CEP63: variants seen among roughly 807,000 people sequenced by gnomAD.
CEP63 encodes the protein centrosomal protein 63.
A neutral mutation model predicts 89.1 loss-of-function variants in CEP63; 84 were observed. That is an observed-to-expected ratio of 0.94 (90% CI 0.79 to 1.13). CEP63 has a LOEUF of 1.13. Ranked by LOEUF, CEP63 falls within the 50% of genes most tolerant of loss-of-function variation. CEP63 has a pLI of 0.00. For synonymous variants in CEP63, 267 were observed against 272.5 expected (o/e 0.98, Z 0.20); for missense variants, 838 against 813.3 (o/e 1.03, Z -0.37).
downstream of CEP63, among the ~76,000 whole-genome samples, chr3:134,565,638 C>G (rs1288926441): frequency 6.6e-6 from 1 of 151,598 alleles, no homozygotes; most frequent in Non-Finnish European, 1.5e-5. Context: ...AAAATGAGGG[C>G]TGTAAACATT....
At chr3:134,620,643 C>A in the CEP63 span, 2 of 775,780 alleles carry the variant, frequency 2.6e-6, no homozygotes, top group South Asian at 3.3e-5. Flanking sequence ...CCCTGTCCCC[C>A]ACCTTTCATG....
the CEP63 span, among the ~76,000 whole-genome samples, chr3:134,702,568 C>T: frequency 6.6e-6 from 1 of 152,026 alleles, no homozygotes. Context: ...GAAATCAGAC[C>T]ACACACCTAC....
chr3:134,603,972 G>C, the CEP63 span: 558,162 of 1,613,574 alleles, frequency 0.35, 99,316 homozygotes, highest in African/African-American at 0.42. Flanking sequence ...GGGCAAACTT[G>C]CCTGCATGGG....
At chr3:134,496,592 AGC>A (rs1469982042) in intron 2 of CEP63, among the ~76,000 whole-genome samples, 1 of 152,178 alleles carries the variant, frequency 6.6e-6, no homozygotes, top group Non-Finnish European at 1.5e-5. Context: ...TTATCAAGAC[AGC>A]TGTTTTGAGC....
chr3:134,530,993 T>G (rs1188826023), intron 3 of CEP63, among the ~76,000 whole-genome samples: 1 of 152,196 alleles, frequency 6.6e-6, no homozygotes, highest in Non-Finnish European at 1.5e-5. Flanking sequence ...GGTGAAGGCT[T>G]GGCAGAAAAT....
chr3:134,703,993 A>C, the CEP63 span, among the ~76,000 whole-genome samples: 5 of 151,968 alleles, frequency 3.3e-5, no homozygotes, highest in Non-Finnish European at 2.9e-5. Flanking sequence ...TTACCTTAGC[A>C]CTCATGGCTC....
intron 3 of CEP63, among the ~76,000 whole-genome samples, chr3:134,513,735 G>A (rs146202993): frequency 0.012 from 1,860 of 152,190 alleles, 16 homozygotes; most frequent in Admixed American, 0.014. Flanking sequence ...TAGGAGTAAG[G>A]ATGGACCAGA....
At chr3:134,719,535 C>T in the CEP63 span, among the ~76,000 whole-genome samples, 1 of 152,100 alleles carries the variant, frequency 6.6e-6, no homozygotes, top group Non-Finnish European at 1.5e-5. Flanking sequence ...TTAGTATGTG[C>T]ACATGGTTGT....
intron 3 of CEP63, among the ~76,000 whole-genome samples, chr3:134,518,354 A>G (rs7609638): frequency 0.98 from 149,803 of 152,272 alleles, 73,736 homozygotes; most frequent in East Asian, 1. Context: ...GTAACTGCTG[A>G]ATACACATCC....
chr3:134,708,319 G>T, the CEP63 span, among the ~76,000 whole-genome samples: 2 of 152,224 alleles, frequency 1.3e-5, no homozygotes, highest in Non-Finnish European at 2.9e-5. Context: ...ATAATGCTTT[G>T]CCTGGCAGAG....
At chr3:134,651,088 C>G in the CEP63 span, 3 of 1,526,684 alleles carry the variant, frequency 2.0e-6, no homozygotes, top group Non-Finnish European at 2.6e-6. Context: ...GCTCCCCCGC[C>G]GCTGGAGCCG....
At chr3:134,610,324 G>T in the CEP63 span, 1 of 1,613,828 alleles carries the variant, frequency 6.2e-7, no homozygotes, top group Non-Finnish European at 8.5e-7. Context: ...GCTCTGCCCT[G>T]TCTGGTAGCC....
exon 11 of CEP63, among the ~76,000 whole-genome samples, chr3:134,587,521 C>T (rs1161103742): frequency 4.6e-5 from 7 of 152,168 alleles, no homozygotes; most frequent in African/African-American, 7.2e-5. Context: ...GTATCACCAG[C>T]GGAGGCTGCA....
the CEP63 span, among the ~76,000 whole-genome samples, chr3:134,701,312 A>ATATATACGTATATATACGTATATGTG: frequency 4.0e-5 from 1 of 24,854 alleles, no homozygotes; most frequent in Non-Finnish European, 8.4e-5. Context: ...ATACGTATAT[A>ATATATACGTATATATACGTATATGTG]TGTGTATATA....
At chr3:134,669,470 G>A in the CEP63 span, among the ~76,000 whole-genome samples, 1 of 152,192 alleles carries the variant, frequency 6.6e-6, no homozygotes, top group Non-Finnish European at 1.5e-5. Context: ...TAATGAGGAG[G>A]GGGGTCTTGG....
intron 12 of CEP63, among the ~76,000 whole-genome samples, chr3:134,554,068 A>G (rs937357545): frequency 2.7e-4 from 41 of 152,162 alleles, no homozygotes; most frequent in Non-Finnish European, 4.7e-4. Flanking sequence ...TTTTTGTTCT[A>G]TTTTATTTTT....
the CEP63 span, among the ~76,000 whole-genome samples, chr3:134,717,182 A>T: frequency 0.072 from 10,994 of 152,298 alleles, 724 homozygotes; most frequent in African/African-American, 0.18. Flanking sequence ...GAACACGTGA[A>T]CAATGGCTGA....
chr3:134,646,720 A>G, the CEP63 span, among the ~76,000 whole-genome samples: 14 of 152,204 alleles, frequency 9.2e-5, no homozygotes, highest in African/African-American at 3.4e-4. Flanking sequence ...CAGTCATCTG[A>G]TCCTAGGGCT....
At chr3:134,530,118 C>T (rs2109005413) in intron 3 of CEP63, among the ~76,000 whole-genome samples, 1 of 152,250 alleles carries the variant, frequency 6.6e-6, no homozygotes, top group East Asian at 1.9e-4. Flanking sequence ...CGTGATCCGC[C>T]TGCCTCAGCC....
Sources: allele counts gnomAD v4.1 joint callset (sites outside exome capture counted in the v4.1 genomes callset), GRCh38; gene constraint gnomAD v4.1.1; transcripts MANE v1.5; gene names NCBI Gene and HGNC (gene_info 2026-07-23, HGNC 2026-07-21).